The following PIAS1 variants were observed in gnomAD, a reference collection of about 807,000 sequenced individuals.
PIAS1 encodes the protein protein inhibitor of activated STAT 1.
PIAS1 carries 6 observed loss-of-function variants against 71.3 expected under a neutral mutation model. The ratio of observed to expected loss-of-function variants is 0.08; its 90% CI spans 0.05 to 0.17. The LOEUF (loss-of-function observed/expected upper bound fraction) is 0.17. Among genes scored for constraint, PIAS1 ranks in the 10% least tolerant of loss-of-function variants. PIAS1 has a pLI of 1.00. For missense variants in PIAS1, 555 were observed against 793.6 expected, an observed-to-expected ratio of 0.70 and a Z score of 3.61; for synonymous variants, 303 against 292.9, an observed-to-expected ratio of 1.03 and a Z score of -0.35.
At position 68,193,671 on chromosome 15, in the gene PIAS1, T is replaced by TG. The variant is rs969029666; in HGVS notation, c.*5843dup. On this transcript the variant is annotated 3_prime_UTR_variant, in exon 14 of 14. Transcript: ENST00000249636. Reference sequence around the variant, plus strand: ...GTAAGAAGTGGGAATCCAGCTTGTGTGGGGGGGCTTTGAGGAGTGAAATGA... The same window carrying TG: ...GTAAGAAGTGGGAATCCAGCTTGTGTGGGGGGGGCTTTGAGGAGTGAAATGA... The TG allele has an allele frequency of 2.4e-4, 55 of 225,578 alleles. No individual in the cohort carries two copies. In the East Asian group the frequency reaches 2.8e-3, roughly 12 times the overall value. 14.0% of individuals were successfully genotyped at this position (225,578 alleles called of 1,614,324 possible).
intron 1 of PIAS1, chr15:68,057,437 G>C (rs761850140): frequency 4.9e-6 from 2 of 408,802 alleles, no homozygotes; most frequent in Non-Finnish European, 9.4e-6. Flanking sequence ...TGTTTTTTTG[G>C]AGTAAAACTC....
At chr15:68,091,889 G>A (rs78519619) in intron 2 of PIAS1, among the ~76,000 whole-genome samples, 2 of 152,074 alleles carry the variant, frequency 1.3e-5, no homozygotes, top group African/African-American at 4.8e-5. Flanking sequence ...GGTTGTGTAG[G>A]TACTCGAAGT....
At chr15:68,107,051 A>G (rs2092477619) in intron 2 of PIAS1, among the ~76,000 whole-genome samples, 1 of 152,200 alleles carries the variant, frequency 6.6e-6, no homozygotes, top group African/African-American at 2.4e-5. Context: ...ACACTGACCT[A>G]GAGAACCATA....
intron 1 of PIAS1, among the ~76,000 whole-genome samples, chr15:68,066,877 C>T (rs1298656762): frequency 6.6e-6 from 1 of 152,174 alleles, no homozygotes; most frequent in African/African-American, 2.4e-5. Flanking sequence ...CATTAGTCTT[C>T]ACCTCTGAAT....
chr15:68,088,176 G>GTATGTATATATATATATATATATATATA (rs1555424823), intron 2 of PIAS1, among the ~76,000 whole-genome samples: 5 of 72,992 alleles, frequency 6.9e-5, no homozygotes, highest in African/African-American at 2.5e-4. Flanking sequence ...TTATGTGTGT[G>GTATGTATATATATATATATATATATATA]TATATATATA....
At chr15:68,055,930 T>C in intron 1 of PIAS1, 1 of 701,038 alleles carries the variant, frequency 1.4e-6, no homozygotes, top group Non-Finnish European at 2.6e-6. Context: ...GCTTTGAGTG[T>C]CATTCTTTTA....
intron 1 of PIAS1, among the ~76,000 whole-genome samples, chr15:68,056,891 AATATG>A (rs1368933425): frequency 2.0e-5 from 3 of 152,192 alleles, no homozygotes; most frequent in African/African-American, 7.2e-5. Flanking sequence ...ATACATTCCT[AATATG>A]ATAGGAAAAA....
chr15:68,068,086 G>A (rs1050089940), intron 1 of PIAS1, among the ~76,000 whole-genome samples: 18 of 152,146 alleles, frequency 1.2e-4, no homozygotes, highest in Non-Finnish European at 4.4e-5. Context: ...CTGAAAATAT[G>A]TATAGGGTGA....
rs74020061 is a variant in PIAS1, at chr15:68,177,661, A to G, written c.1481+1007A>G. On this transcript the variant is annotated intron_variant, in intron 11 of 13. Coordinates refer to ENST00000249636, the MANE Select transcript of PIAS1 (RefSeq NM_016166.3). ...ATGGATGATAATAAAATGAGTAAGT[A>G]CAGTCTTAACCTTAAACAGCTTAGC... is the stretch of plus-strand genomic sequence containing the variant. 4.8e-3 allele frequency among the ~76,000 whole-genome samples: 725 copies of G among 152,328 alleles called. 6 individuals carry two copies. Among genetic ancestry groups the G allele is most frequent in the African/African-American group, 0.016 (668 of 41,580 alleles).
At chr15:68,121,221 TG>T (rs1231385238) in intron 2 of PIAS1, among the ~76,000 whole-genome samples, 1 of 152,008 alleles carries the variant, frequency 6.6e-6, no homozygotes, top group Non-Finnish European at 1.5e-5. Flanking sequence ...TTTTGTAAGA[TG>T]TTTTTGCTGA....
intron 12 of PIAS1, among the ~76,000 whole-genome samples, chr15:68,182,517 C>T (rs993538598): frequency 1.4e-3 from 12 of 8,522 alleles, no homozygotes; most frequent in African/African-American, 3.2e-3. Context: ...GTGTGTGTGT[C>T]GGAGTTTTGC....
intron 2 of PIAS1, among the ~76,000 whole-genome samples, chr15:68,126,904 G>T (rs190623684): frequency 9.2e-4 from 139 of 151,622 alleles, no homozygotes; most frequent in African/African-American, 3.3e-3. Context: ...AGTCGTGCTG[G>T]CATGTCTGTT....
At chr15:68,181,524 C>T (rs996653338) in intron 12 of PIAS1, 170 bp downstream of exon 12, 22 of 586,370 alleles carry the variant, frequency 3.8e-5, no homozygotes, top group Non-Finnish European at 5.7e-5. Context: ...TGACCCAGTT[C>T]GTTGATTGTA....
intron 2 of PIAS1, among the ~76,000 whole-genome samples, chr15:68,114,349 A>G (rs1055921363): frequency 7.2e-5 from 11 of 152,072 alleles, no homozygotes; most frequent in Admixed American, 2.6e-4. Flanking sequence ...TCAAAGCAAT[A>G]TGAATTTGTT....
At chr15:68,153,869 A>C (rs1220241123) in intron 7 of PIAS1, 174 bp downstream of exon 7, 2 of 402,288 alleles carry the variant, frequency 5.0e-6, no homozygotes, top group East Asian at 3.9e-5. Flanking sequence ...ATATTTTACT[A>C]ATCTTAAAAT....
At chr15:68,122,983 G>A (rs1473787522) in intron 2 of PIAS1, among the ~76,000 whole-genome samples, 1 of 150,904 alleles carries the variant, frequency 6.6e-6, no homozygotes, top group East Asian at 1.9e-4. Context: ...TTTCTTGTAA[G>A]GTAAAAGCTG....
chr15:68,154,279 A>G (rs977533803), intron 7 of PIAS1, among the ~76,000 whole-genome samples: 2 of 152,198 alleles, frequency 1.3e-5, no homozygotes, highest in Non-Finnish European at 2.9e-5. Context: ...TTGAGATTCA[A>G]GGTCTTCAAA....
intron 6 of PIAS1, among the ~76,000 whole-genome samples, chr15:68,152,347 T>C (rs1002400219): frequency 1.3e-5 from 2 of 152,112 alleles, no homozygotes; most frequent in Non-Finnish European, 2.9e-5. Context: ...TCTCAGAAAA[T>C]GTGTAGCATG....
rs2092085131 is a variant in PIAS1, at chr15:68,070,692, A to G, written c.25-15614A>G. Among the ~76,000 whole-genome samples, 3 of 150,732 alleles carry G rather than the reference A, an allele frequency of 2.0e-5. No homozygotes were observed. The South Asian group carries it at 6.3e-4, about 32-fold the overall frequency. ...CATAGTATGAAAAAAAGAATGGAAAATATCTCATTAATGATTGATATTGAT... is the reference window on the plus strand; with the variant it reads ...CATAGTATGAAAAAAAGAATGGAAAGTATCTCATTAATGATTGATATTGAT... On this transcript the variant is annotated intron_variant, in intron 1 of 13. Transcript: ENST00000249636.
Sources: gnomAD v4.1 joint callset for allele counts (sites outside exome capture counted in the v4.1 genomes callset) on GRCh38, gnomAD v4.1.1 for gene constraint, MANE v1.5 for transcripts, NCBI Gene and HGNC (gene_info 2026-07-23, HGNC 2026-07-21) for gene names.